The following AP1G1 variants were observed in gnomAD, a reference collection of about 807,000 sequenced individuals.
The protein encoded by AP1G1 is adaptor related protein complex 1 subunit gamma 1.
Under a neutral mutation model 108.3 loss-of-function variants are expected in AP1G1, and 7 were observed. That is an observed-to-expected ratio of 0.06 (90% CI 0.04 to 0.12). The LOEUF (loss-of-function observed/expected upper bound fraction) is 0.12, where lower values mean the gene tolerates loss of function less well. Among genes scored for constraint, AP1G1 ranks in the 10% least tolerant of loss-of-function variants. The probability of loss-of-function intolerance (pLI) is 1.00; values close to 1 mark genes in which losing one functional copy is unlikely to be tolerated. For missense variants in AP1G1, 756 were observed against 1,010.7 expected (o/e 0.75, Z 3.42); for synonymous variants, 379 against 353.5 (o/e 1.07, Z -0.81).
At chr16:71,755,063 A>C (rs1166684360) in intron 12 of AP1G1, among the ~76,000 whole-genome samples, 1 of 152,214 alleles carries the variant, frequency 6.6e-6, no homozygotes, top group Non-Finnish European at 1.5e-5. Context: ...TAAAATCATA[A>C]GGTACTTCCT....
chr16:71,745,465 C>A lies in AP1G1; in HGVS notation c.1872+8G>T, dbSNP rs1244864445. ...AAGCCCCAGATGAGCAAGTGAAAGGCTGGCTACCTGGCTGGTGGGCTGTGG... is the reference window on the plus strand; with the variant it reads ...AAGCCCCAGATGAGCAAGTGAAAGGATGGCTACCTGGCTGGTGGGCTGTGG... On this transcript the variant is annotated splice_region_variant and intron_variant, in intron 18 of 22. Coordinates refer to ENST00000299980, the MANE Select transcript of AP1G1 (RefSeq NM_001128.6). The A allele has an allele frequency of 1.2e-6, 2 of 1,614,128 alleles. No homozygotes were observed. The highest frequency in any genetic ancestry group is 1.1e-5 in the South Asian group (1 of 91,080).
chr16:71,739,442 T>A, intron 19 of AP1G1, 101 bp from the exon 20 acceptor site: 3 of 915,730 alleles, frequency 3.3e-6, no homozygotes, highest in Non-Finnish European at 4.8e-6. Flanking sequence ...TAAGGAAAGA[T>A]TCCTTAAACA....
chr16:71,768,937 A>AG (rs2031445484), intron 6 of AP1G1, among the ~76,000 whole-genome samples: 2 of 139,558 alleles, frequency 1.4e-5, no homozygotes, highest in South Asian at 2.3e-4. Flanking sequence ...AAAAAAAAAA[A>AG]AAAGAAAAGA....
intron 15 of AP1G1, 76 bp downstream of exon 15, chr16:71,749,818 A>G: frequency 8.0e-7 from 1 of 1,249,606 alleles, no homozygotes; most frequent in Non-Finnish European, 1.2e-6. Flanking sequence ...ATCAACCTCA[A>G]CTCCCCATTA....
chr16:71,765,727 T>C, intron 6 of AP1G1, 143 bp from the exon 7 acceptor site: 1 of 640,302 alleles, frequency 1.6e-6, no homozygotes, highest in South Asian at 1.7e-5. Flanking sequence ...GTATTGTAGA[T>C]GTTTGATAAA....
chr16:71,794,642 A>G (rs1300483880), intron 1 of AP1G1, among the ~76,000 whole-genome samples: 1 of 152,050 alleles, frequency 6.6e-6, no homozygotes, highest in East Asian at 1.9e-4. Context: ...TATATGCCCA[A>G]AGAATCAAAA....
chr16:71,766,278 G>A (rs1180662733), intron 6 of AP1G1, among the ~76,000 whole-genome samples: 1 of 151,902 alleles, frequency 6.6e-6, no homozygotes, highest in Non-Finnish European at 1.5e-5. Context: ...TTATATATAT[G>A]GCTTTATGGC....
Position 71,730,963 on chromosome 16 carries a change from T to C in AP1G1, c.*2095A>G, listed in dbSNP as rs1343712568. On this transcript the variant is annotated 3_prime_UTR_variant, in exon 23 of 23. Transcript: ENST00000299980. ...TCAACCCAGTTCAAATAAAAAAACC[T>C]GAGCTGGTTAGCTACAAATATAAGA... The C allele has an allele frequency of 6.6e-6, 1 of 152,360 alleles. No individual in the cohort carries two copies. Among genetic ancestry groups the C allele is most frequent in the East Asian group, 1.9e-4 (1 of 5,202 alleles). 9.4% of individuals were successfully genotyped at this position (152,360 alleles called of 1,614,324 possible).
intron 2 of AP1G1, among the ~76,000 whole-genome samples, chr16:71,782,210 A>C (rs1419086557): frequency 6.6e-6 from 1 of 152,126 alleles, no homozygotes; most frequent in East Asian, 1.9e-4. Context: ...GCCAACCAGG[A>C]TGGAGTGCAG....
chr16:71,764,621 TATTTAATATG>T lies in AP1G1; in HGVS notation c.819+15_819+24del. The stretch of plus-strand genomic sequence containing the variant: ...TCCCAGCGAAACTAAAATAAATATA[TATTTAATATG>T]TTTGGTCTACTCACCTGTGCTAATA... On this transcript the variant is annotated intron_variant, in intron 8 of 22. Coordinates refer to ENST00000299980, the MANE Select transcript of AP1G1 (RefSeq NM_001128.6). 7 of 1,505,026 alleles carry T rather than the reference TATTTAATATG, an allele frequency of 4.7e-6. No homozygotes were observed. The highest frequency in any genetic ancestry group is 6.3e-6 in the Non-Finnish European group (7 of 1,112,842). The allele number at this position is 1,505,026 out of a possible 1,614,324, so 93.2% of individuals were successfully genotyped here.
In AP1G1 at chr16:71,797,581, A is replaced by C. The variant is rs564838658; in HGVS notation, c.-3-8099T>G. Among the ~76,000 whole-genome samples the C allele has an allele frequency of 9.2e-5, 14 of 152,164 alleles. No individual in the cohort carries two copies. The East Asian group carries it at 2.7e-3, about 29-fold the overall frequency. On this transcript the variant is annotated intron_variant, in intron 1 of 22. Coordinates refer to ENST00000299980, the MANE Select transcript of AP1G1 (RefSeq NM_001128.6). The stretch of plus-strand genomic sequence containing the variant: ...TTTGGGAGGCTGAGGTAGGCAGATC[A>C]TGAGGTCAGGAGTTCAAGACCAGCC...
intron 15 of AP1G1, 106 bp downstream of exon 15, chr16:71,749,788 G>C (rs2030390041): frequency 1.1e-6 from 1 of 924,882 alleles, no homozygotes. Flanking sequence ...ACCACGCCTG[G>C]CCTAAAAAGT....
At chr16:71,806,613 C>CT (rs1348664127) in intron 1 of AP1G1, 1 of 967,866 alleles carries the variant, frequency 1.0e-6, no homozygotes, top group Non-Finnish European at 1.4e-6. Context: ...TGTGATAGCT[C>CT]TTCTAACACC....
In AP1G1 at chr16:71,745,199, T is replaced by C; in HGVS notation, c.1944A>G (p.Lys648=). Residue 648 remains lysine (K), a synonymous_variant, in exon 19 of 23, where the codon AAA becomes AAG. Transcript: ENST00000299980. ...TPVIPTAPTS[K]PSSAGGELLD... is the part of the protein sequence containing the mutation. ...GAAGTTCTCCACCAGCAGAAGATGG[T>C]TTGCTTGTAGGCGCAGTTGGAATAA... The C allele has an allele frequency of 6.2e-7, 1 of 1,614,152 alleles. No homozygotes were observed.
chr16:71,760,039 T>C (rs922220372), intron 10 of AP1G1, among the ~76,000 whole-genome samples: 3 of 152,036 alleles, frequency 2.0e-5, no homozygotes, highest in African/African-American at 7.2e-5. Flanking sequence ...TATTTATGTA[T>C]TTATTTTTTA....
At chr16:71,801,922 C>CAAAAAAA in intron 1 of AP1G1, among the ~76,000 whole-genome samples, 1 of 63,728 alleles carries the variant, frequency 1.6e-5, no homozygotes, top group Non-Finnish European at 3.2e-5. Context: ...ACTCCGTAAC[C>CAAAAAAA]AAAAAAAAAA....
At chr16:71,803,219 G>GAATA (rs757986299) in intron 1 of AP1G1, among the ~76,000 whole-genome samples, 2 of 151,498 alleles carry the variant, frequency 1.3e-5, no homozygotes, top group East Asian at 3.9e-4. Context: ...GTCTCAAAAA[G>GAATA]AATAAATAAA....
chr16:71,772,161 C>T (rs996602150), intron 4 of AP1G1, among the ~76,000 whole-genome samples: 4 of 148,480 alleles, frequency 2.7e-5, no homozygotes, highest in African/African-American at 1.0e-4. Context: ...GACGGAGTCT[C>T]GCTCAGTCGC....
At chr16:71,771,564 T>G (rs1368345103) in intron 4 of AP1G1, among the ~76,000 whole-genome samples, 2 of 152,208 alleles carry the variant, frequency 1.3e-5, no homozygotes, top group African/African-American at 4.8e-5. Context: ...TATTAACTGG[T>G]TGGGGAGTTC....
Sources: gnomAD v4.1 joint callset for allele counts (sites outside exome capture counted in the v4.1 genomes callset) on GRCh38, gnomAD v4.1.1 for gene constraint, MANE v1.5 for transcripts, NCBI Gene and HGNC (gene_info 2026-07-23, HGNC 2026-07-21) for gene names.